The following SLC35E4 variants were observed in gnomAD, a reference collection of about 807,000 sequenced individuals.
SLC35E4 encodes the protein solute carrier family 35 member E4, also known as solute carrier family 35, member E4.
Under a neutral mutation model 19.3 loss-of-function variants are expected in SLC35E4, and 15 were observed. The observed-to-expected ratio is 0.78, with a 90% CI of 0.52 to 1.20. The LOEUF (loss-of-function observed/expected upper bound fraction) is 1.20. SLC35E4 is among the 50% of genes most tolerant of loss of function. SLC35E4 has a pLI of 0.00. For synonymous variants in SLC35E4, 219 were observed against 219.9 expected (o/e 1.00, Z 0.04); for missense variants, 406 against 472.3 (o/e 0.86, Z 1.30).
intron 2 of SLC35E4, among the ~76,000 whole-genome samples, chr22:30,653,236 A>G (rs1353073058): frequency 1.3e-5 from 2 of 152,106 alleles, no homozygotes; most frequent in African/African-American, 2.4e-5. Context: ...GACGTTTCCA[A>G]GCCTACCCCC....
downstream of SLC35E4, chr22:30,652,055 G>C (rs1234998386): frequency 1.3e-5 from 2 of 152,194 alleles, no homozygotes; most frequent in Non-Finnish European, 2.9e-5. Flanking sequence ...CTGGTGTGCA[G>C]GAGACCAGAG....
chr22:30,636,905 C>T lies in SLC35E4; in HGVS notation c.455C>T (p.Ala152Val), dbSNP rs756961091. The change falls in exon 1 of 2, where the codon GCG becomes GTG. Residue 152 changes from alanine to valine, a missense_variant. Physicochemically the swap from Ala to Val is moderately conservative, Grantham distance 64. Transcript: ENST00000343605. ...TTPLFTLALS[A>V]LLLGRRHHPL... is the part of the protein sequence containing the mutation. ...CCTCTGTTCACCCTGGCCCTGTCGG[C>T]GCTGCTGCTGGGCCGCCGCCACCAC... is the stretch of plus-strand genomic sequence containing the variant. The T allele has an allele frequency of 1.7e-5, 28 of 1,611,724 alleles. No homozygotes were observed. Among genetic ancestry groups the T allele is most frequent in the Non-Finnish European group, 2.3e-5 (27 of 1,179,298 alleles).
At chr22:30,655,428 C>A (rs1317787) in intron 2 of SLC35E4, among the ~76,000 whole-genome samples, 1 of 121,576 alleles carries the variant, frequency 8.2e-6, no homozygotes, top group African/African-American at 3.6e-5. Context: ...TGAGATCCTA[C>A]CAAAAAAAAA....
chr22:30,659,502 T>C (rs1280219016), intron 2 of SLC35E4, among the ~76,000 whole-genome samples: 2 of 151,954 alleles, frequency 1.3e-5, no homozygotes, highest in African/African-American at 4.8e-5. Flanking sequence ...GCCTCCCGGG[T>C]AGCTGTGATT....
At chr22:30,651,374 TGTG>T (rs1569061836), downstream of SLC35E4, among the ~76,000 whole-genome samples, 553 of 19,092 alleles carry the variant, frequency 0.029, 48 homozygotes, top group East Asian at 0.18. Context: ...CTAATTTTTG[TGTG>T]TGTGTGTGTG....
intron 1 of SLC35E4, among the ~76,000 whole-genome samples, chr22:30,640,216 C>A (rs2145577023): frequency 6.6e-6 from 1 of 151,876 alleles, no homozygotes; most frequent in East Asian, 1.9e-4. Flanking sequence ...ACTAAAATTA[C>A]AAAAATTAGC....
At position 30,646,944 on chromosome 22, in the gene SLC35E4, G is replaced by A. The variant is rs200312272; in HGVS notation, c.966G>A (p.Met322Ile). The change falls in exon 2 of 2, where the codon ATG (methionine) becomes ATA (isoleucine). Residue 322 changes from methionine (M) to isoleucine (I), a missense_variant. Coordinates refer to ENST00000343605, the MANE Select transcript of SLC35E4 (RefSeq NM_001001479.4). Reference protein sequence around the residue: ...YVGIALTLSGMFLYHNCEFVA... With the variant: ...YVGIALTLSGIFLYHNCEFVA... The stretch of plus-strand genomic sequence containing the variant: ...GCATCGCACTCACTCTTTCAGGAAT[G>A]TTCCTTTACCACAACTGCGAGTTCG... 1.2e-4 allele frequency: 191 copies of A among 1,614,048 alleles called. No individual in the cohort carries two copies. The highest frequency in any genetic ancestry group is 1.6e-4 in the Non-Finnish European group (184 of 1,180,064).
At position 30,636,450 on chromosome 22, in the gene SLC35E4, G is replaced by C. The variant is rs1188020663; in HGVS notation, c.-1G>C. 6.7e-7 allele frequency: 1 copy of C among 1,483,458 alleles called. No homozygotes were observed. The highest frequency in any genetic ancestry group is 9.0e-7 in the Non-Finnish European group (1 of 1,110,300). 91.9% of individuals were successfully genotyped at this position (1,483,458 alleles called of 1,614,324 possible). A position where few individuals can be genotyped will look rare whatever the true frequency, so the allele number is the denominator to read the frequency against. ...CTCCTGCCCTAGCCTCACTGGTGCG[G>C]ATGTGCCGCTGCCCGCCGGAGCACC... is the stretch of plus-strand genomic sequence containing the variant. On this transcript the variant is annotated 5_prime_UTR_variant, in exon 1 of 2. Coordinates refer to ENST00000343605, the MANE Select transcript of SLC35E4 (RefSeq NM_001001479.4).
At chr22:30,656,185 C>T (rs1420983907) in intron 2 of SLC35E4, among the ~76,000 whole-genome samples, 3 of 151,952 alleles carry the variant, frequency 2.0e-5, no homozygotes, top group South Asian at 2.1e-4. Context: ...CTATGTTGCC[C>T]AGGCTGATCG....
intron 2 of SLC35E4, chr22:30,661,444 C>CTTTTTTTTTT (rs56242112): frequency 1.0e-4 from 14 of 136,472 alleles, no homozygotes; most frequent in East Asian, 2.1e-4. Flanking sequence ...TTTTCTTTTT[C>CTTTTTTTTTT]TTTTTTTTTT....
chr22:30,643,176 G>T (rs927478229), intron 1 of SLC35E4, among the ~76,000 whole-genome samples: 3 of 152,230 alleles, frequency 2.0e-5, no homozygotes, highest in African/African-American at 7.2e-5. Context: ...CCCACAGAAA[G>T]GGTGGGAAGT....
At chr22:30,639,680 T>A (rs558258545) in intron 1 of SLC35E4, among the ~76,000 whole-genome samples, 1 of 152,188 alleles carries the variant, frequency 6.6e-6, no homozygotes, top group African/African-American at 2.4e-5. Flanking sequence ...TTTCTCCCAT[T>A]TGCTTTTGAA....
At chr22:30,648,752 A>G (rs2088170307), downstream of SLC35E4, among the ~76,000 whole-genome samples, 1 of 152,020 alleles carries the variant, frequency 6.6e-6, no homozygotes, top group Non-Finnish European at 1.5e-5. Context: ...GAAAAATCCA[A>G]TCGCTTGAGG....
At chr22:30,639,565 T>C (rs2088004140) in intron 1 of SLC35E4, among the ~76,000 whole-genome samples, 1 of 152,140 alleles carries the variant, frequency 6.6e-6, no homozygotes, top group South Asian at 2.1e-4. Flanking sequence ...GCTTCGACCA[T>C]AAAAGATGGC....
chr22:30,650,348 TAGAC>T (rs1347233999), downstream of SLC35E4, among the ~76,000 whole-genome samples: 1 of 150,996 alleles, frequency 6.6e-6, no homozygotes, highest in Admixed American at 6.6e-5. Flanking sequence ...AAAAAAAAAT[TAGAC>T]GGACATGGTG....
chr22:30,659,710 T>A (rs2054291157), intron 2 of SLC35E4, among the ~76,000 whole-genome samples: 1 of 152,238 alleles, frequency 6.6e-6, no homozygotes, highest in Admixed American at 6.5e-5. Flanking sequence ...ATGATGTTTC[T>A]GACCTATTCC....
intron 2 of SLC35E4, among the ~76,000 whole-genome samples, chr22:30,655,442 A>G (rs1345869134): frequency 6.6e-6 from 1 of 151,548 alleles, no homozygotes; most frequent in Non-Finnish European, 1.5e-5. Context: ...AAAAAAAAAA[A>G]AAAAAAGAAA....
intron 1 of SLC35E4, among the ~76,000 whole-genome samples, chr22:30,641,559 T>G (rs1416343364): frequency 6.6e-6 from 1 of 151,684 alleles, no homozygotes; most frequent in Non-Finnish European, 1.5e-5. Context: ...TTATTATTTT[T>G]TTTTTTGAGA....
At chr22:30,644,268 G>T (rs1252155970) in intron 1 of SLC35E4, among the ~76,000 whole-genome samples, 3 of 152,200 alleles carry the variant, frequency 2.0e-5, no homozygotes, top group Non-Finnish European at 2.9e-5. Context: ...AATTGAGAGA[G>T]AAATAAAATT....
Sources: gnomAD v4.1 joint callset for allele counts (sites outside exome capture counted in the v4.1 genomes callset) on GRCh38, gnomAD v4.1.1 for gene constraint, MANE v1.5 for transcripts, NCBI Gene and HGNC (gene_info 2026-07-23, HGNC 2026-07-21) for gene names.